NEDD4L: variants seen among roughly 807,000 people sequenced by gnomAD.
NEDD4L encodes the protein NEDD4 like E3 ubiquitin protein ligase, also known as E3 ubiquitin-protein ligase NEDD4-like.
A neutral mutation model predicts 148.9 loss-of-function variants in NEDD4L; 54 were observed. The observed-to-expected ratio is 0.36, with a 90% CI of 0.29 to 0.45. NEDD4L has a LOEUF of 0.45. Ranked by LOEUF, NEDD4L falls within the 20% of genes least tolerant of loss-of-function variation. The pLI, the probability that NEDD4L is intolerant of heterozygous loss-of-function variation, is 1.00. For synonymous variants in NEDD4L, 433 were observed against 440.7 expected (o/e 0.98, Z 0.22); for missense variants, 856 against 1,233.8 (o/e 0.69, Z 4.59).
At chr18:58,249,343 TAGGG>T (rs1449094311) in intron 4 of NEDD4L, among the ~76,000 whole-genome samples, 6 of 152,234 alleles carry the variant, frequency 3.9e-5, no homozygotes, top group East Asian at 1.9e-4. Flanking sequence ...ATATTCTAGT[TAGGG>T]AGGAAAATTT....
intron 1 of NEDD4L, among the ~76,000 whole-genome samples, chr18:58,156,196 C>T (rs1251457883): frequency 3.3e-5 from 5 of 152,178 alleles, no homozygotes; most frequent in South Asian, 2.1e-4. Context: ...GTAGTAGAAG[C>T]GTTGGTGTTC....
intron 28 of NEDD4L, 134 bp from the exon 29 acceptor site, chr18:58,390,509 CCTA>C: frequency 1.7e-6 from 1 of 594,280 alleles, no homozygotes. Context: ...CCATAAAAAA[CCTA>C]CTCAGTTTTC....
At chr18:58,284,557 G>A (rs2053621097) in intron 5 of NEDD4L, among the ~76,000 whole-genome samples, 1 of 130,924 alleles carries the variant, frequency 7.6e-6, no homozygotes, top group African/African-American at 3.1e-5. Flanking sequence ...GGCAGAGGGA[G>A]AGTTATACGA....
chr18:58,160,012 G>T (rs559125232), intron 1 of NEDD4L, among the ~76,000 whole-genome samples: 40 of 152,196 alleles, frequency 2.6e-4, no homozygotes, highest in Non-Finnish European at 4.4e-4. Context: ...TTTTAGGAGA[G>T]TACCTGCCAT....
intron 5 of NEDD4L, among the ~76,000 whole-genome samples, chr18:58,303,003 G>T (rs2056674625): frequency 1.3e-5 from 2 of 152,214 alleles, no homozygotes; most frequent in African/African-American, 4.8e-5. Context: ...CTAGGGTGAG[G>T]CAAGAGAGGC....
chr18:58,304,518 A>C (rs2056851353), intron 5 of NEDD4L, among the ~76,000 whole-genome samples: 2 of 152,178 alleles, frequency 1.3e-5, no homozygotes, highest in Non-Finnish European at 2.9e-5. Flanking sequence ...TGTCTCAATT[A>C]AAAAAGAAAG....
intron 1 of NEDD4L, among the ~76,000 whole-genome samples, chr18:58,132,254 GT>G (rs1385013063): frequency 6.8e-6 from 1 of 148,090 alleles, no homozygotes; most frequent in African/African-American, 2.4e-5. Context: ...AGTGGTGGTG[GT>G]TTTTTGCCAC....
Position 58,337,534 on chromosome 18 carries a change from C to A in NEDD4L, c.1125+1997C>A, listed in dbSNP as rs192271292. ...CTGCCCCTGTGCTCTCACAGACATA[C>A]GGCTGTGTACACATAGGTACACATT... On this transcript the variant is annotated intron_variant, in intron 13 of 30. Coordinates refer to ENST00000400345, the MANE Select transcript of NEDD4L (RefSeq NM_001144967.3). Among the ~76,000 whole-genome samples, 14 of 152,214 alleles carry A rather than the reference C, an allele frequency of 9.2e-5. No homozygotes were observed. The East Asian group carries it at 2.7e-3, about 29-fold the overall frequency.
chr18:58,125,945 C>T (rs1454624841), intron 1 of NEDD4L, among the ~76,000 whole-genome samples: 1 of 152,256 alleles, frequency 6.6e-6, no homozygotes, highest in Non-Finnish European at 1.5e-5. Flanking sequence ...GCCACCCGGG[C>T]ATCCGTCTGC....
intron 19 of NEDD4L, among the ~76,000 whole-genome samples, chr18:58,359,245 C>T (rs185669965): frequency 1.3e-4 from 20 of 152,088 alleles, no homozygotes; most frequent in African/African-American, 4.1e-4. Context: ...TTCTCTCTCG[C>T]GATATTTTAT....
At chr18:58,264,322 A>G (rs2148705595) in intron 5 of NEDD4L, among the ~76,000 whole-genome samples, 1 of 152,168 alleles carries the variant, frequency 6.6e-6, no homozygotes. Context: ...TTATATTAGC[A>G]AGAGAAGCTC....
chr18:58,258,986 T>A (rs1318115753), intron 5 of NEDD4L, among the ~76,000 whole-genome samples: 3 of 152,194 alleles, frequency 2.0e-5, no homozygotes, highest in Non-Finnish European at 4.4e-5. Flanking sequence ...GGACATTACA[T>A]TATTAAGTTT....
Position 58,366,237 on chromosome 18 carries a change from A to G in NEDD4L, c.2063+9A>G, listed in dbSNP as rs956351623. On this transcript the variant is annotated intron_variant, in intron 21 of 30. Coordinates refer to ENST00000400345, the MANE Select transcript of NEDD4L (RefSeq NM_001144967.3). This position sits in a 1 kb window ranked among gnomAD's most constrained non-coding sequence, Gnocchi z 4.2. ...TTTGAGTACTCTGCCACGTAAGTAT[A>G]TGGCCACACCCAGTGTGTGTCCCCC... 5 of 1,565,236 alleles carry G rather than the reference A, an allele frequency of 3.2e-6. No individual in the cohort carries two copies. The South Asian group carries it at 4.7e-5, about 15-fold the overall frequency.
chr18:58,360,774 A>G (rs931850581), intron 19 of NEDD4L, among the ~76,000 whole-genome samples: 12 of 131,038 alleles, frequency 9.2e-5, no homozygotes, highest in Non-Finnish European at 1.3e-4. Flanking sequence ...GTGTGTGTGT[A>G]CATGCATGCA....
Position 58,299,176 on chromosome 18 carries a change from G to A in NEDD4L, c.298-16806G>A, listed in dbSNP as rs921985410. Among the ~76,000 whole-genome samples the A allele has an allele frequency of 2.6e-5, 4 of 152,172 alleles. No homozygotes were observed. In the East Asian group the frequency reaches 7.7e-4, roughly 29 times the overall value. On this transcript the variant is annotated intron_variant, in intron 5 of 30. Coordinates refer to ENST00000400345, the MANE Select transcript of NEDD4L (RefSeq NM_001144967.3). ...CTTGAATTTCAAGAGAATAAAGGAG[G>A]ATTCCTCCTACACAAAGCTGCTAAT...
At chr18:58,190,844 G>C (rs1478398071) in intron 2 of NEDD4L, among the ~76,000 whole-genome samples, 1 of 152,174 alleles carries the variant, frequency 6.6e-6, no homozygotes, top group East Asian at 1.9e-4. Flanking sequence ...GTGATAAAAA[G>C]GCTGGGTATG....
At chr18:58,161,885 T>C (rs2036262444) in intron 1 of NEDD4L, among the ~76,000 whole-genome samples, 1 of 152,184 alleles carries the variant, frequency 6.6e-6, no homozygotes, top group Non-Finnish European at 1.5e-5. Context: ...CCACATTCCA[T>C]TGGCCAGAAC....
At chr18:58,126,204 C>A (rs371196723) in intron 1 of NEDD4L, among the ~76,000 whole-genome samples, 97 of 152,352 alleles carry the variant, frequency 6.4e-4, no homozygotes, top group African/African-American at 2.3e-3. Flanking sequence ...TTAGTATATT[C>A]ACACACATGT....
intron 22 of NEDD4L, among the ~76,000 whole-genome samples, chr18:58,369,820 C>CG (rs2046609877): frequency 6.6e-6 from 1 of 152,220 alleles, no homozygotes; most frequent in Non-Finnish European, 1.5e-5. Flanking sequence ...CGTCCCTCCG[C>CG]GGGGGGTTGC....
Sources: gnomAD v4.1 joint callset for allele counts (sites outside exome capture counted in the v4.1 genomes callset) on GRCh38, gnomAD v4.1.1 for gene constraint, Gnocchi (gnomAD v3.1) non-coding constraint, MANE v1.5 for transcripts, NCBI Gene and HGNC (gene_info 2026-07-23, HGNC 2026-07-21) for gene names.